The following SLC22A13 variants were observed in gnomAD, a reference collection of about 807,000 sequenced individuals.
The protein encoded by SLC22A13 is organic anion transporter 10.
Under a neutral mutation model 49.1 loss-of-function variants are expected in SLC22A13, and 42 were observed. The ratio of observed to expected loss-of-function variants is 0.85; its 90% CI spans 0.67 to 1.11. The LOEUF (loss-of-function observed/expected upper bound fraction) is 1.11, where lower values mean the gene tolerates loss of function less well. Among genes scored for constraint, SLC22A13 ranks in the 50% least tolerant of loss-of-function variants. The pLI, the probability that SLC22A13 is intolerant of heterozygous loss-of-function variation, is 0.00. For synonymous variants in SLC22A13, 282 were observed against 293.1 expected (o/e 0.96, Z 0.39); for missense variants, 694 against 712.8 (o/e 0.97, Z 0.30).
At chr3:38,277,324 A>T (rs745837969) in intron 9 of SLC22A13, 48 bp from the exon 10 acceptor site, 7 of 1,442,632 alleles carry the variant, frequency 4.9e-6, no homozygotes, top group East Asian at 2.3e-5. Flanking sequence ...GGACACTGTC[A>T]TGGGACCAAT....
chr3:38,269,009 A>G (rs573901640), intron 1 of SLC22A13, among the ~76,000 whole-genome samples: 1 of 152,368 alleles, frequency 6.6e-6, no homozygotes, highest in East Asian at 1.9e-4. Context: ...CTCGAGGGGA[A>G]CCAAGGAGCA....
chr3:38,274,214 G>GT, intron 1 of SLC22A13, 58 bp from the exon 2 acceptor site: 2 of 1,255,332 alleles, frequency 1.6e-6, no homozygotes, highest in South Asian at 2.4e-5. Context: ...GGGACAGGTG[G>GT]TGTAGGGCTT....
intron 1 of SLC22A13, among the ~76,000 whole-genome samples, chr3:38,273,230 A>G (rs771026251): frequency 9.8e-5 from 15 of 152,308 alleles, no homozygotes; most frequent in Middle Eastern, 6.8e-3. Flanking sequence ...AGTCAAGTGC[A>G]CATACAATAG....
chr3:38,272,722 C>G (rs1703534854), intron 1 of SLC22A13, among the ~76,000 whole-genome samples: 1 of 152,202 alleles, frequency 6.6e-6, no homozygotes, highest in African/African-American at 2.4e-5. Context: ...AACAGTTGTC[C>G]TTAAGAACAG....
chr3:38,268,270 C>T (rs1410166826), intron 1 of SLC22A13, among the ~76,000 whole-genome samples: 1 of 152,140 alleles, frequency 6.6e-6, no homozygotes, highest in Non-Finnish European at 1.5e-5. Flanking sequence ...TCCTCAAACA[C>T]AAAACAGAAA....
intron 1 of SLC22A13, among the ~76,000 whole-genome samples, chr3:38,266,533 C>A (rs1333010044): frequency 6.6e-6 from 1 of 152,124 alleles, no homozygotes; most frequent in Non-Finnish European, 1.5e-5. Flanking sequence ...TTGGTGTCCT[C>A]TCCTCTTTTC....
In SLC22A13 at chr3:38,277,077, C is replaced by A. The variant is rs543799661; in HGVS notation, c.1512C>A (p.Gly504=). 2 of 1,583,524 alleles carry A rather than the reference C, an allele frequency of 1.3e-6. No individual in the cohort carries two copies. Among genetic ancestry groups the A allele is most frequent in the African/African-American group, 2.7e-5 (2 of 74,304 alleles). ...GCACCCTGCTGCCAGAGACGCATGG[C>A]CAGGGCCTGAAAGACACCCTCCAGG... is the stretch of plus-strand genomic sequence containing the variant. ...LLCTLLPETH[G]QGLKDTLQDL... The change falls in exon 9 of 10, where the codon GGC becomes GGA. Residue 504 remains glycine, a synonymous_variant. Coordinates refer to ENST00000311856, the MANE Select transcript of SLC22A13 (RefSeq NM_004256.4).
intron 1 of SLC22A13, among the ~76,000 whole-genome samples, chr3:38,269,294 G>T (rs926846512): frequency 6.6e-5 from 10 of 151,712 alleles, no homozygotes; most frequent in Non-Finnish European, 1.3e-4. Context: ...GTCTTGCTCT[G>T]TCACCCAGGC....
At position 38,277,544 on chromosome 3, in the gene SLC22A13, G is replaced by C; in HGVS notation, c.*79G>C. ...CTTGGATATGGCCAGGACCCACAGG[G>C]ACACAGGGCAAGACCAGCCTTGCTT... On this transcript the variant is annotated 3_prime_UTR_variant, in exon 10 of 10. Coordinates refer to ENST00000311856, the MANE Select transcript of SLC22A13 (RefSeq NM_004256.4). The C allele has an allele frequency of 9.2e-7, 1 of 1,082,210 alleles. No individual in the cohort carries two copies. Among genetic ancestry groups the C allele is most frequent in the African/African-American group, 1.6e-5 (1 of 64,000 alleles). The allele number at this position is 1,082,210 out of a possible 1,614,324, so 67.0% of individuals were successfully genotyped here.
chr3:38,268,730 G>A (rs968537766), intron 1 of SLC22A13, among the ~76,000 whole-genome samples: 7 of 152,100 alleles, frequency 4.6e-5, no homozygotes, highest in Non-Finnish European at 1.0e-4. Flanking sequence ...CCACATTAGT[G>A]AGTTTCATCA....
chr3:38,269,430 A>G (rs754523476), intron 1 of SLC22A13, among the ~76,000 whole-genome samples: 4 of 151,874 alleles, frequency 2.6e-5, no homozygotes, highest in Non-Finnish European at 4.4e-5. Context: ...GCTAATTTTT[A>G]TATTTTTAGT....
At chr3:38,276,219 G>T (rs1441987131) in intron 7 of SLC22A13, 68 bp from the exon 8 acceptor site, 2 of 1,493,846 alleles carry the variant, frequency 1.3e-6, no homozygotes, top group African/African-American at 2.7e-5. Flanking sequence ...GTACAGAAGG[G>T]GTGGGGAGTT....
At chr3:38,266,317 C>G in intron 1 of SLC22A13, 79 bp downstream of exon 1, 2 of 1,523,228 alleles carry the variant, frequency 1.3e-6, no homozygotes, top group Admixed American at 3.5e-5. Context: ...CCCTCAGTCA[C>G]TGGCTCTGTA....
chr3:38,274,239 C>A (rs1220223823), intron 1 of SLC22A13, 33 bp from the exon 2 acceptor site: 2 of 1,521,186 alleles, frequency 1.3e-6, no homozygotes, highest in Non-Finnish European at 1.8e-6. Flanking sequence ...TCCTTGCAGC[C>A]CCTGGACTCA....
At chr3:38,269,880 A>G (rs1025501029) in intron 1 of SLC22A13, among the ~76,000 whole-genome samples, 1 of 54,114 alleles carries the variant, frequency 1.8e-5, no homozygotes, top group Non-Finnish European at 3.4e-5. Flanking sequence ...CCCCCACCCC[A>G]CAACAGTCCC....
In SLC22A13 at chr3:38,275,913, A is replaced by C. The variant is rs184757147; in HGVS notation, c.1054A>C (p.Ser352Arg). The C allele has an allele frequency of 5.9e-5, 95 of 1,614,192 alleles. No homozygotes were observed. The Admixed American group carries it at 1.6e-3, about 27-fold the overall frequency. Residue 352 changes from serine to arginine, a missense_variant, in exon 7 of 10, where the codon AGC becomes CGC. By Grantham distance (110) the Ser-to-Arg change is moderately radical. Coordinates refer to ENST00000311856, the MANE Select transcript of SLC22A13 (RefSeq NM_004256.4). ...FVDSLGYYGL[S>R]LQVGDFGLDV... ...GGACAGTCTGGGGTACTACGGCCTG[A>C]GCCTCCAAGTGGGGGACTTCGGCCT... is the stretch of plus-strand genomic sequence containing the variant.
In SLC22A13 at chr3:38,275,581, G is replaced by C; in HGVS notation, c.931G>C (p.Val311Leu). ...TCACTCTGCTTCTTCCTCCCAGCTG[G>C]TCCCAGAGAAGACAGGCCCCTCAGG... ...KLSPELMNQLVPEKTGPSGNA... is the reference protein window; with the variant it reads ...KLSPELMNQLLPEKTGPSGNA... The change falls in exon 6 of 10, where the codon GTC becomes CTC. Residue 311 changes from valine (V) to leucine (L), a missense_variant. Val to Leu is a conservative substitution (Grantham distance 32, BLOSUM62 1). Coordinates refer to ENST00000311856, the MANE Select transcript of SLC22A13 (RefSeq NM_004256.4). 1 of 1,614,128 alleles carries C rather than the reference G, an allele frequency of 6.2e-7. No individual in the cohort carries two copies.
chr3:38,272,405 G>A lies in SLC22A13; in HGVS notation c.379-1867G>A, dbSNP rs1299325344. ...AATGTTAGTTCCTTTCATTATATCA[G>A]GTGATACTATATAGCATATTTTATT... is the stretch of plus-strand genomic sequence containing the variant. On this transcript the variant is annotated intron_variant, in intron 1 of 9. Coordinates refer to ENST00000311856, the MANE Select transcript of SLC22A13 (RefSeq NM_004256.4). Among the ~76,000 whole-genome samples, 19 of 152,200 alleles carry A rather than the reference G, an allele frequency of 1.2e-4. 1 individual carries two copies. Among genetic ancestry groups the A allele is most frequent in the Admixed American group, 1.2e-3 (19 of 15,292 alleles).
intron 2 of SLC22A13, 31 bp downstream of exon 2, chr3:38,274,406 T>G: frequency 6.3e-7 from 1 of 1,580,614 alleles, no homozygotes; most frequent in South Asian, 1.1e-5. Context: ...ACTCCCTGCC[T>G]AGCAAGCTCG....
Sources: allele counts gnomAD v4.1 joint callset (sites outside exome capture counted in the v4.1 genomes callset), GRCh38; gene constraint gnomAD v4.1.1; transcripts MANE v1.5; gene names NCBI Gene and HGNC (gene_info 2026-07-23, HGNC 2026-07-21).